The following HIPK2 variants were observed in gnomAD, a reference collection of about 807,000 sequenced individuals.
HIPK2 encodes the protein homeodomain interacting protein kinase 2.
Under a neutral mutation model 113.7 loss-of-function variants are expected in HIPK2, and 27 were observed. The observed-to-expected ratio is 0.24, with a 90% CI of 0.17 to 0.33. HIPK2 has a LOEUF of 0.33. Ranked by LOEUF, HIPK2 falls within the 10% of genes least tolerant of loss-of-function variation. HIPK2 has a pLI of 1.00. For synonymous variants in HIPK2, 631 were observed against 642.2 expected (o/e 0.98, Z 0.26); for missense variants, 1,257 against 1,588.0 (o/e 0.79, Z 3.54).
chr7:139,664,256 G>A (rs570640551), intron 2 of HIPK2, among the ~76,000 whole-genome samples: 1 of 152,298 alleles, frequency 6.6e-6, no homozygotes, highest in South Asian at 2.1e-4. Flanking sequence ...AGCTTGAGGG[G>A]TTGGGTATAG....
At chr7:139,654,764 C>T (rs1801597032) in intron 2 of HIPK2, among the ~76,000 whole-genome samples, 1 of 152,168 alleles carries the variant, frequency 6.6e-6, no homozygotes, top group South Asian at 2.1e-4. Flanking sequence ...ATTCTGAGTG[C>T]TTAAGAAGAG....
At chr7:139,600,375 C>T (rs1387261182) in intron 11 of HIPK2, 42 bp downstream of exon 11, 1 of 1,593,266 alleles carries the variant, frequency 6.3e-7, no homozygotes, top group Admixed American at 1.7e-5. Context: ...GCACTCACAT[C>T]CCCTGGGATT....
At chr7:139,648,474 G>T (rs959222321) in intron 2 of HIPK2, among the ~76,000 whole-genome samples, 1 of 152,134 alleles carries the variant, frequency 6.6e-6, no homozygotes, top group African/African-American at 2.4e-5. Context: ...CGACGTTGCG[G>T]CTTTCGGGTT....
intron 1 of HIPK2, among the ~76,000 whole-genome samples, chr7:139,730,481 C>T (rs1034383882): frequency 2.6e-5 from 4 of 152,072 alleles, no homozygotes; most frequent in Non-Finnish European, 5.9e-5. Context: ...CTGCCTCAGC[C>T]TCCCGAGTAG....
At chr7:139,656,921 A>G (rs1801690640) in intron 2 of HIPK2, among the ~76,000 whole-genome samples, 2 of 151,086 alleles carry the variant, frequency 1.3e-5, no homozygotes, top group Admixed American at 6.6e-5. Context: ...CCCAGGCTGG[A>G]GTGCAATGGC....
chr7:139,718,395 A>G (rs1429764830), intron 1 of HIPK2, among the ~76,000 whole-genome samples: 1 of 151,876 alleles, frequency 6.6e-6, no homozygotes, highest in Non-Finnish European at 1.5e-5. Context: ...ATCAACCATC[A>G]CCCTAGTCCA....
rs1309228840 is a variant in HIPK2 at position 139,571,003 on chromosome 7, G to C, written c.*1924C>G. ...AAAACTTCCAGAATGTATCAAAGGT[G>C]CAAAGAGGGCAAAGGGCAGATTTCT... On this transcript the variant is annotated 3_prime_UTR_variant, in exon 15 of 15. Coordinates refer to ENST00000406875, the MANE Select transcript of HIPK2 (RefSeq NM_022740.5). The C allele has an allele frequency of 6.6e-6, 1 of 152,222 alleles. No homozygotes were observed. Among genetic ancestry groups the C allele is most frequent in the Non-Finnish European group, 1.5e-5 (1 of 68,062 alleles). The allele number at this position is 152,222 out of a possible 1,614,324, so 9.4% of individuals were successfully genotyped here.
intron 1 of HIPK2, among the ~76,000 whole-genome samples, chr7:139,765,197 C>T (rs767248397): frequency 1.3e-5 from 2 of 152,008 alleles, no homozygotes; most frequent in Non-Finnish European, 2.9e-5. Context: ...TAGAACCCAA[C>T]AGATGTTCAA....
chr7:139,717,210 T>C, intron 1 of HIPK2, 195 bp from the exon 2 acceptor site: 1 of 292,184 alleles, frequency 3.4e-6, no homozygotes, highest in Non-Finnish European at 5.1e-6. Flanking sequence ...AACCAAGTGG[T>C]TCCAGGGTGC....
rs1795173184 is a variant in HIPK2 at position 139,714,841 on chromosome 7, C to T, written c.1103+1091G>A. Among the ~76,000 whole-genome samples, 1 of 152,230 alleles carries T rather than the reference C, an allele frequency of 6.6e-6. No homozygotes were observed. Among genetic ancestry groups the T allele is most frequent in the Non-Finnish European group, 1.5e-5 (1 of 68,032 alleles). On this transcript the variant is annotated intron_variant, in intron 2 of 14. Transcript: ENST00000406875. This position sits in a 1 kb window ranked among gnomAD's most constrained non-coding sequence, Gnocchi z 4.2. ...AGGGTCTTGCTTTCCATCCCTGCCGCCTCCCCGCTGTGCACCCGCCATGGC... is the reference window on the plus strand; with the variant it reads ...AGGGTCTTGCTTTCCATCCCTGCCGTCTCCCCGCTGTGCACCCGCCATGGC...
At chr7:139,729,916 C>T (rs938723418) in intron 1 of HIPK2, among the ~76,000 whole-genome samples, 1 of 152,164 alleles carries the variant, frequency 6.6e-6, no homozygotes, top group African/African-American at 2.4e-5. Context: ...CACTTCCTAA[C>T]ATGACATACC....
Position 139,739,889 on chromosome 7 carries a change from T to C in HIPK2, c.20-22874A>G, listed in dbSNP as rs189337529. ...ACTCATGTGGTAGCATGTATCAACATTCCATTCCCTTTTATTGCCAAATAA... is the reference window on the plus strand; with the variant it reads ...ACTCATGTGGTAGCATGTATCAACACTCCATTCCCTTTTATTGCCAAATAA... On this transcript the variant is annotated intron_variant, in intron 1 of 14. Transcript: ENST00000406875. 3.9e-3 allele frequency among the ~76,000 whole-genome samples: 591 copies of C among 152,356 alleles called. 4 individuals carry two copies. Among genetic ancestry groups the C allele is most frequent in the Non-Finnish European group, 5.5e-3 (375 of 68,030 alleles).
intron 2 of HIPK2, among the ~76,000 whole-genome samples, chr7:139,713,862 T>C (rs933872287): frequency 1.3e-5 from 2 of 152,238 alleles, no homozygotes; most frequent in East Asian, 1.9e-4. Flanking sequence ...CCACCAGAGC[T>C]GGCTTTCAGA....
intron 1 of HIPK2, among the ~76,000 whole-genome samples, chr7:139,718,328 G>C (rs919343821): frequency 6.6e-6 from 1 of 152,186 alleles, no homozygotes; most frequent in Non-Finnish European, 1.5e-5. Context: ...GGCTAACCTA[G>C]TGTTCCTGTC....
intron 1 of HIPK2, among the ~76,000 whole-genome samples, chr7:139,737,605 C>A (rs188476904): frequency 1.4e-4 from 21 of 152,314 alleles, no homozygotes; most frequent in Non-Finnish European, 2.5e-4. Flanking sequence ...AAGGGCCCTG[C>A]ACATCCGGCC....
At chr7:139,668,913 G>A (rs186395281) in intron 2 of HIPK2, among the ~76,000 whole-genome samples, 43 of 152,306 alleles carry the variant, frequency 2.8e-4, no homozygotes, top group African/African-American at 9.9e-4. Flanking sequence ...ATTGGCTTTT[G>A]TCTGTATGCC....
intron 2 of HIPK2, among the ~76,000 whole-genome samples, chr7:139,647,338 T>C (rs955974951): frequency 7.2e-5 from 11 of 152,166 alleles, no homozygotes; most frequent in Non-Finnish European, 1.6e-4. Flanking sequence ...TCTTCTTTCC[T>C]ACCGCCAAGC....
Position 139,626,910 on chromosome 7 carries a change from A to G in HIPK2, c.1435-125T>C, listed in dbSNP as rs80091797. 2,594 of 1,081,800 alleles carry G rather than the reference A, an allele frequency of 2.4e-3. 34 individuals are homozygous for G. In the African/African-American group the frequency reaches 0.035, roughly 15 times the overall value. The allele number at this position is 1,081,800 out of a possible 1,614,324, so 67.0% of individuals were successfully genotyped here. A position where few individuals can be genotyped will look rare whatever the true frequency, so the allele number is the denominator to read the frequency against. On this transcript the variant is annotated intron_variant, in intron 5 of 14. Coordinates refer to ENST00000406875, the MANE Select transcript of HIPK2 (RefSeq NM_022740.5). ...CAAGCCCCCTTTCTCAGTTCCCAGG[A>G]ACTCTGCCCCTATGGGAGGCACCAC...
chr7:139,655,408 G>A (rs754792571), intron 2 of HIPK2, among the ~76,000 whole-genome samples: 14 of 152,196 alleles, frequency 9.2e-5, no homozygotes, highest in Non-Finnish European at 2.1e-4. Flanking sequence ...GGCTCCCGCC[G>A]GGCAAGGAGG....
Sources: gnomAD v4.1 joint callset for allele counts (sites outside exome capture counted in the v4.1 genomes callset) on GRCh38, gnomAD v4.1.1 for gene constraint, Gnocchi (gnomAD v3.1) non-coding constraint, MANE v1.5 for transcripts, NCBI Gene and HGNC (gene_info 2026-07-23, HGNC 2026-07-21) for gene names.